HPSE2: variants seen among roughly 807,000 people sequenced by gnomAD.
HPSE2 encodes heparanase 2 (inactive).
HPSE2 carries 38 observed loss-of-function variants against 60.5 expected under a neutral mutation model. The ratio of observed to expected loss-of-function variants is 0.63; its 90% CI spans 0.48 to 0.82. HPSE2 has a LOEUF of 0.82. HPSE2 is among the 40% of genes least tolerant of loss of function. The pLI is 0.00. For synonymous variants in HPSE2, 295 were observed against 293.2 expected (o/e 1.01, Z -0.06); for missense variants, 713 against 740.4 (o/e 0.96, Z 0.43).
chr10:98,530,867 G>A (rs1056253440), intron 9 of HPSE2, among the ~76,000 whole-genome samples: 3 of 152,152 alleles, frequency 2.0e-5, no homozygotes, highest in Non-Finnish European at 4.4e-5. Flanking sequence ...AGCGAGTAGA[G>A]GGACCCTCCA....
chr10:98,639,611 C>T (rs188025683), intron 7 of HPSE2, among the ~76,000 whole-genome samples: 1 of 152,122 alleles, frequency 6.6e-6, no homozygotes, highest in Non-Finnish European at 1.5e-5. Context: ...AGTTTTAGCT[C>T]TTTTCCTTAA....
At chr10:99,221,418 G>A (rs1233834835) in intron 2 of HPSE2, among the ~76,000 whole-genome samples, 1 of 152,094 alleles carries the variant, frequency 6.6e-6, no homozygotes, top group Non-Finnish European at 1.5e-5. Context: ...CTCTCACAGT[G>A]CCCTATAATC....
chr10:98,740,168 CT>C (rs1254423683), intron 4 of HPSE2, among the ~76,000 whole-genome samples: 1 of 116,586 alleles, frequency 8.6e-6, no homozygotes, highest in Non-Finnish European at 1.7e-5. Context: ...TTTTGATTTT[CT>C]TTTCTTTTGT....
intron 3 of HPSE2, among the ~76,000 whole-genome samples, chr10:99,035,325 G>A (rs953378504): frequency 6.6e-6 from 1 of 151,814 alleles, no homozygotes; most frequent in East Asian, 1.9e-4. Context: ...ATATTACCTA[G>A]GCCTACACAG....
intron 10 of HPSE2, 61 bp from the exon 11 acceptor site, chr10:98,482,843 T>C: frequency 1.3e-6 from 2 of 1,557,454 alleles, no homozygotes; most frequent in South Asian, 1.1e-5. Context: ...TAGATGCTTC[T>C]AAATAATTTA....
intron 3 of HPSE2, among the ~76,000 whole-genome samples, chr10:99,006,694 C>T (rs1589504549): frequency 1.3e-5 from 2 of 152,160 alleles, no homozygotes; most frequent in African/African-American, 4.8e-5. Flanking sequence ...CAGGGTTGAA[C>T]CTACAGCCCA....
intron 9 of HPSE2, among the ~76,000 whole-genome samples, chr10:98,505,123 T>C (rs1008665193): frequency 6.6e-6 from 1 of 152,232 alleles, no homozygotes; most frequent in African/African-American, 2.4e-5. Flanking sequence ...TGTGTCCAGA[T>C]TTTGCTATTA....
chr10:99,296,361 C>T, the HPSE2 span, among the ~76,000 whole-genome samples: 7 of 152,154 alleles, frequency 4.6e-5, no homozygotes, highest in Admixed American at 1.3e-4. Context: ...AGATGCCCCC[C>T]CAACATGCCG....
chr10:98,689,536 T>C (rs1025523218), intron 6 of HPSE2, among the ~76,000 whole-genome samples: 5 of 152,178 alleles, frequency 3.3e-5, no homozygotes, highest in African/African-American at 1.2e-4. Flanking sequence ...ATAATATGAG[T>C]TATAATAGCT....
intron 3 of HPSE2, among the ~76,000 whole-genome samples, chr10:99,008,034 C>T (rs1319536260): frequency 6.6e-6 from 1 of 152,186 alleles, no homozygotes. Flanking sequence ...AAAGAAAATC[C>T]TAGTATGACT....
chr10:98,462,475 G>A (rs1223246820), intron 11 of HPSE2, among the ~76,000 whole-genome samples: 11 of 152,150 alleles, frequency 7.2e-5, no homozygotes, highest in Non-Finnish European at 1.6e-4. Context: ...CACCGTGTCT[G>A]ACCTGTTGTT....
At chr10:99,077,002 T>G (rs1384666517) in intron 3 of HPSE2, among the ~76,000 whole-genome samples, 1 of 152,238 alleles carries the variant, frequency 6.6e-6, no homozygotes, top group Non-Finnish European at 1.5e-5. Flanking sequence ...TTGGCCTTTT[T>G]GTTTCCTTCA....
rs1401598658 is a variant in HPSE2 at position 98,597,548 on chromosome 10, G to A, written c.1320+17356C>T. On this transcript the variant is annotated intron_variant, in intron 9 of 11. Transcript: ENST00000370552. ...TAGCCGGATGTGGTGGCATGTGCCT[G>A]TAGTCCCAGCTACTTGGGAGGCTGA... 1.3e-5 allele frequency among the ~76,000 whole-genome samples: 2 copies of A among 151,754 alleles called. 1 individual carries two copies. Among genetic ancestry groups the A allele is most frequent in the East Asian group, 3.9e-4 (2 of 5,148 alleles).
At chr10:98,701,590 T>A (rs112854797) in intron 5 of HPSE2, among the ~76,000 whole-genome samples, 3 of 151,544 alleles carry the variant, frequency 2.0e-5, no homozygotes, top group Non-Finnish European at 2.9e-5. Context: ...TGTATACATA[T>A]GTAACTAACC....
intron 9 of HPSE2, among the ~76,000 whole-genome samples, chr10:98,590,401 C>T (rs1945056970): frequency 6.6e-6 from 1 of 152,224 alleles, no homozygotes; most frequent in African/African-American, 2.4e-5. Context: ...CAAGATTGCA[C>T]CACTGCACTC....
chr10:99,231,881 A>G (rs1849655693), intron 2 of HPSE2, among the ~76,000 whole-genome samples: 1 of 152,206 alleles, frequency 6.6e-6, no homozygotes, highest in Non-Finnish European at 1.5e-5. Context: ...AATAAGAAAA[A>G]CAGAAAGGCA....
intron 9 of HPSE2, among the ~76,000 whole-genome samples, chr10:98,536,680 C>T (rs143906039): frequency 9.9e-5 from 15 of 152,210 alleles, no homozygotes; most frequent in Non-Finnish European, 1.8e-4. Flanking sequence ...GGGAAGAGAA[C>T]GTCTAAAGCT....
intron 3 of HPSE2, among the ~76,000 whole-genome samples, chr10:99,099,060 C>T (rs1053508549): frequency 2.6e-5 from 4 of 152,288 alleles, no homozygotes; most frequent in East Asian, 1.9e-4. Flanking sequence ...CAGCTCCCAG[C>T]GTGAGTGATG....
chr10:99,027,888 CA>C (rs769494754), intron 3 of HPSE2, among the ~76,000 whole-genome samples: 19 of 152,208 alleles, frequency 1.2e-4, no homozygotes, highest in Non-Finnish European at 2.4e-4. Flanking sequence ...ATCATATCAA[CA>C]AAATGAAGGA....
Sources: gnomAD v4.1 joint callset for allele counts (sites outside exome capture counted in the v4.1 genomes callset) on GRCh38, gnomAD v4.1.1 for gene constraint, MANE v1.5 for transcripts, NCBI Gene and HGNC (gene_info 2026-07-23, HGNC 2026-07-21) for gene names.